The following RIMKLB variants were observed in gnomAD, a reference collection of about 807,000 sequenced individuals.
RIMKLB encodes beta-citrylglutamate synthase B.
Under a neutral mutation model 32.0 loss-of-function variants are expected in RIMKLB, and 7 were observed. The observed-to-expected ratio is 0.22, with a 90% CI of 0.12 to 0.41. RIMKLB has a LOEUF of 0.41. RIMKLB is among the 10% of genes least tolerant of loss of function. The pLI, the probability that RIMKLB is intolerant of heterozygous loss-of-function variation, is 1.00. For synonymous variants in RIMKLB, 172 were observed against 185.1 expected (o/e 0.93, Z 0.57); for missense variants, 289 against 498.7 (o/e 0.58, Z 4.00).
intron 5 of RIMKLB, 106 bp from the exon 6 acceptor site, chr12:8,773,210 CCTTTG>C: frequency 2.7e-6 from 2 of 737,244 alleles, no homozygotes; most frequent in Non-Finnish European, 4.6e-6. Context: ...TAGAATAACG[CCTTTG>C]TTTTCACTAT....
intron 2 of RIMKLB, among the ~76,000 whole-genome samples, chr12:8,742,077 TATAGTA>T (rs1947605051): frequency 6.6e-6 from 1 of 151,598 alleles, no homozygotes; most frequent in Non-Finnish European, 1.5e-5. Flanking sequence ...ATTTTGTATT[TATAGTA>T]GAGATGGGGT....
intron 2 of RIMKLB, among the ~76,000 whole-genome samples, chr12:8,719,388 G>A (rs1392651273): frequency 6.6e-6 from 1 of 152,066 alleles, no homozygotes; most frequent in Non-Finnish European, 1.5e-5. Flanking sequence ...TTGTTTTTGA[G>A]ATGGAGTTTC....
the RIMKLB span, among the ~76,000 whole-genome samples, chr12:8,670,405 A>G: frequency 6.6e-6 from 1 of 152,150 alleles, no homozygotes; most frequent in East Asian, 1.9e-4. Flanking sequence ...GGTGGGAGAA[A>G]TTGGCCAAGA....
intron 2 of RIMKLB, among the ~76,000 whole-genome samples, chr12:8,748,174 A>G (rs1480922536): frequency 1.3e-5 from 2 of 152,152 alleles, no homozygotes; most frequent in African/African-American, 4.8e-5. Flanking sequence ...TATGTTCTGT[A>G]TTTTTGTGTT....
intron 1 of RIMKLB, among the ~76,000 whole-genome samples, chr12:8,710,014 A>T (rs1199601679): frequency 6.6e-6 from 1 of 151,914 alleles, no homozygotes; most frequent in Non-Finnish European, 1.5e-5. Context: ...TTTGAGATGG[A>T]GTCTTGCTGT....
intron 5 of RIMKLB, among the ~76,000 whole-genome samples, chr12:8,754,476 T>A (rs1948857435): frequency 6.6e-6 from 1 of 152,216 alleles, no homozygotes; most frequent in African/African-American, 2.4e-5. Flanking sequence ...ATTGCTGATT[T>A]TGATTTTCTT....
At chr12:8,769,931 T>G (rs779201879) in intron 5 of RIMKLB, among the ~76,000 whole-genome samples, 24 of 152,208 alleles carry the variant, frequency 1.6e-4, no homozygotes, top group Non-Finnish European at 2.6e-4. Context: ...GTAAATAGTT[T>G]CAAGTACCTC....
intron 5 of RIMKLB, among the ~76,000 whole-genome samples, chr12:8,758,022 C>A (rs1189714369): frequency 6.6e-6 from 1 of 151,782 alleles, no homozygotes; most frequent in African/African-American, 2.4e-5. Flanking sequence ...TCTCGAACTC[C>A]TGGGCTCAAG....
chr12:8,742,706 AC>A, intron 2 of RIMKLB: 1 of 224,130 alleles, frequency 4.5e-6, no homozygotes, highest in Non-Finnish European at 8.9e-6. Flanking sequence ...GAAGTTTGCT[AC>A]CACCACTGGA....
At chr12:8,703,179 G>A (rs190042280) in intron 1 of RIMKLB, among the ~76,000 whole-genome samples, 2 of 152,126 alleles carry the variant, frequency 1.3e-5, no homozygotes, top group African/African-American at 2.4e-5. Context: ...TCAGCTACTC[G>A]GGAGGCTGAG....
intron 7 of RIMKLB, among the ~76,000 whole-genome samples, chr12:8,782,420 T>C (rs1015264646): frequency 2.6e-5 from 4 of 152,158 alleles, no homozygotes; most frequent in Admixed American, 1.3e-4. Flanking sequence ...CACACATATA[T>C]ATATTTAACA....
At position 8,774,676 on chromosome 12, in the gene RIMKLB, A is replaced by G; in HGVS notation, c.*892A>G. On this transcript the variant is annotated 3_prime_UTR_variant, in exon 6 of 6. Coordinates refer to ENST00000535829, the MANE Select transcript of RIMKLB (RefSeq NM_001297776.2). The stretch of plus-strand genomic sequence containing the variant: ...GAAAATGCTACCTTTTTTGTTAACA[A>G]GACACTGACTTGAAACATGTACATT... The G allele has an allele frequency of 1.0e-6, 1 of 985,662 alleles. No individual in the cohort carries two copies. The highest frequency in any genetic ancestry group is 1.2e-6 in the Non-Finnish European group (1 of 829,868). The allele number at this position is 985,662 out of a possible 1,614,324, so 61.1% of individuals were successfully genotyped here. A position where few individuals can be genotyped will look rare whatever the true frequency, so the allele number is the denominator to read the frequency against.
At chr12:8,729,586 G>A (rs1282510217) in intron 2 of RIMKLB, among the ~76,000 whole-genome samples, 10 of 152,092 alleles carry the variant, frequency 6.6e-5, no homozygotes, top group African/African-American at 2.4e-4. Flanking sequence ...GGCAGCATTC[G>A]AGCAGGAAAA....
chr12:8,753,502 T>C (rs1336994231), intron 4 of RIMKLB, among the ~76,000 whole-genome samples: 2 of 152,262 alleles, frequency 1.3e-5, no homozygotes, highest in Admixed American at 1.3e-4. Flanking sequence ...GCTATATTAC[T>C]ATATCCTAAT....
the RIMKLB span, among the ~76,000 whole-genome samples, chr12:8,676,519 C>T: frequency 6.7e-6 from 1 of 149,710 alleles, no homozygotes; most frequent in Non-Finnish European, 1.5e-5. Flanking sequence ...CTGCCTCAGC[C>T]TCCTGAGTAG....
At chr12:8,749,790 G>A (rs1948465845) in intron 2 of RIMKLB, 72 bp from the exon 3 acceptor site, 1 of 933,742 alleles carries the variant, frequency 1.1e-6, no homozygotes, top group South Asian at 1.7e-5. Context: ...CCAAACTTTG[G>A]CGTATTACTA....
chr12:8,737,592 C>T lies in RIMKLB; in HGVS notation c.176-12270C>T, dbSNP rs866640431. Among the ~76,000 whole-genome samples the T allele has an allele frequency of 4.6e-5, 7 of 152,112 alleles. No homozygotes were observed. In the South Asian group the frequency reaches 8.3e-4, roughly 18 times the overall value. On this transcript the variant is annotated intron_variant, in intron 2 of 5. Coordinates refer to ENST00000535829, the MANE Select transcript of RIMKLB (RefSeq NM_001297776.2). ...TCAGACTTTGAATAGTTTTAGCCTC[C>T]ATTGATGAATCTTGCCTCAATCAAT...
intron 5 of RIMKLB, among the ~76,000 whole-genome samples, chr12:8,761,227 C>A (rs1232861164): frequency 6.7e-6 from 1 of 149,178 alleles, no homozygotes; most frequent in Non-Finnish European, 1.5e-5. Context: ...GCCTGTAAAC[C>A]CGGTTAACTC....
At chr12:8,684,077 A>C (rs1341718672) in intron 1 of RIMKLB, among the ~76,000 whole-genome samples, 1 of 152,218 alleles carries the variant, frequency 6.6e-6, no homozygotes, top group Non-Finnish European at 1.5e-5. Flanking sequence ...AAGTCAAATT[A>C]TGAATTTGAG....
Sources: allele counts gnomAD v4.1 joint callset (sites outside exome capture counted in the v4.1 genomes callset), GRCh38; gene constraint gnomAD v4.1.1; transcripts MANE v1.5; gene names NCBI Gene and HGNC (gene_info 2026-07-23, HGNC 2026-07-21).